ARMC8: variants seen among roughly 807,000 people sequenced by gnomAD.
ARMC8 encodes armadillo repeat-containing protein 8.
Under a neutral mutation model 99.3 loss-of-function variants are expected in ARMC8, and 20 were observed. That is an observed-to-expected ratio of 0.20 (90% confidence interval 0.14 to 0.29). The LOEUF (loss-of-function observed/expected upper bound fraction) is 0.29, where lower values mean the gene tolerates loss of function less well. ARMC8 is among the 10% of genes least tolerant of loss of function. The probability of loss-of-function intolerance (pLI) is 1.00; values close to 1 mark genes in which losing one functional copy is unlikely to be tolerated. For missense variants in ARMC8, 569 were observed against 809.5 expected (o/e 0.70, Z 3.60); for synonymous variants, 263 against 278.3 (o/e 0.95, Z 0.55).
At position 138,245,055 on chromosome 3, in the gene ARMC8, C is replaced by G. The variant is rs112310143; in HGVS notation, c.1039-33C>G. 1.9e-6 allele frequency: 3 copies of G among 1,583,870 alleles called. No homozygotes were observed. The South Asian group carries it at 3.4e-5, about 18-fold the overall frequency. On this transcript the variant is annotated intron_variant, in intron 11 of 21. Transcript: ENST00000469044. ...TGTTATTGAAAGTTGAATTTATGGA[C>G]TGAGTTGGAACATATCCTTTTTTTC...
rs2048025758 is a variant in ARMC8, at chr3:138,264,169, G to A, written c.1256G>A (p.Arg419Gln). 1.9e-6 allele frequency: 3 copies of A among 1,613,866 alleles called. No individual in the cohort carries two copies. Among genetic ancestry groups the A allele is most frequent in the African/African-American group, 1.3e-5 (1 of 75,014 alleles). ...TTATCCAGATCTGTGCAGCAGCTTCGAACCAGTTTCCAGGATCATGCTGTT... is the reference window on the plus strand; with the variant it reads ...TTATCCAGATCTGTGCAGCAGCTTCAAACCAGTTTCCAGGATCATGCTGTT... Reference protein sequence around the residue: ...HSLSRSVQQLRTSFQDHAVWK... With the variant: ...HSLSRSVQQLQTSFQDHAVWK... The change falls in exon 14 of 22, where the codon CGA becomes CAA. Residue 419 changes from arginine (R) to glutamine (Q), a missense_variant. Physicochemically the swap from Arg to Gln is conservative, Grantham distance 43. Around this residue, in one of 2 missense-constraint regions of ARMC8, gnomAD observed 227 missense variants for 417.9 expected, o/e 0.54. Transcript: ENST00000469044.
intron 10 of ARMC8, among the ~76,000 whole-genome samples, chr3:138,240,558 A>G (rs1049921711): frequency 5.3e-5 from 8 of 152,224 alleles, no homozygotes; most frequent in Middle Eastern, 3.2e-3. Flanking sequence ...TATGGTATCA[A>G]TAAATATTAG....
chr3:138,292,331 C>T (rs1019205217), intron 21 of ARMC8, among the ~76,000 whole-genome samples: 21 of 152,236 alleles, frequency 1.4e-4, no homozygotes, highest in African/African-American at 4.6e-4. Context: ...TGAGCCACCA[C>T]GCCGGGCCCT....
At chr3:138,237,239 G>A (rs2046379221) in intron 7 of ARMC8, 70 bp from the exon 8 acceptor site, 8 of 1,364,802 alleles carry the variant, frequency 5.9e-6, no homozygotes, top group Middle Eastern at 2.0e-4. Flanking sequence ...GAAGAGTTTA[G>A]ATTCTGAGAC....
In ARMC8 at chr3:138,237,328, A is replaced by G; in HGVS notation, c.629A>G (p.Lys210Arg). The G allele has an allele frequency of 6.2e-7, 1 of 1,613,388 alleles. No individual in the cohort carries two copies. Among genetic ancestry groups the G allele is most frequent in the Non-Finnish European group, 8.5e-7 (1 of 1,179,830 alleles). ...LSYKVRMQALKCFSVLAFENP... is the reference protein window; with the variant it reads ...LSYKVRMQALRCFSVLAFENP... ...TTACAGGTTCGAATGCAAGCACTGA[A>G]ATGTTTCTCAGTTTTAGCTTTTGAA... Residue 210 changes from lysine (K) to arginine (R), a missense_variant, in exon 8 of 22, where the codon AAA becomes AGA. By Grantham distance (26) the Lys-to-Arg change is conservative. This residue lies in a region of ARMC8 where 342 missense variants were observed against 391.6 expected (regional missense o/e 0.87). Transcript: ENST00000469044.
chr3:138,211,160 G>A (rs2044674146), intron 2 of ARMC8, among the ~76,000 whole-genome samples: 1 of 152,100 alleles, frequency 6.6e-6, no homozygotes, highest in African/African-American at 2.4e-5. Flanking sequence ...ACACAAGTTC[G>A]TCAAGGGGGC....
At chr3:138,238,309 C>T (rs568297063) in intron 9 of ARMC8, 1 of 152,382 alleles carries the variant, frequency 6.6e-6, no homozygotes, top group East Asian at 1.9e-4. Flanking sequence ...TCGTGATCCA[C>T]CTGCCTCGGC....
intron 12 of ARMC8, chr3:138,246,769 T>A: frequency 1.0e-6 from 1 of 984,966 alleles, no homozygotes; most frequent in Non-Finnish European, 1.2e-6. Context: ...AACATGACAG[T>A]CTAATCAGTA....
chr3:138,246,677 G>T (rs1459254919), intron 12 of ARMC8: 12 of 984,676 alleles, frequency 1.2e-5, no homozygotes, highest in Admixed American at 6.2e-5. Context: ...ATGTCCATTT[G>T]TACTTCTTTG....
intron 12 of ARMC8, chr3:138,246,407 T>A (rs1030679619): frequency 2.5e-5 from 24 of 978,526 alleles, no homozygotes; most frequent in Non-Finnish European, 2.7e-5. Context: ...ACTAGTGATA[T>A]ATATATGATT....
chr3:138,214,118 C>T (rs540876944), intron 2 of ARMC8, among the ~76,000 whole-genome samples: 26 of 151,216 alleles, frequency 1.7e-4, no homozygotes, highest in Non-Finnish European at 3.2e-4. Context: ...TGCCACTGCA[C>T]TCCAGCCTGC....
In ARMC8 at chr3:138,219,274, CA is replaced by C. The variant is rs565656994; in HGVS notation, c.123-2647del. 6.0e-3 allele frequency among the ~76,000 whole-genome samples: 906 copies of C among 152,262 alleles called. 5 individuals carry two copies. The highest frequency in any genetic ancestry group is 0.01 in the Non-Finnish European group (688 of 68,008). On this transcript the variant is annotated intron_variant, in intron 2 of 21. Coordinates refer to ENST00000469044, the MANE Select transcript of ARMC8 (RefSeq NM_001363941.2). ...ATGATAGCTGTGAGTTTGCATTTTA[CA>C]AAAATAATGGATATCTAGAATCACT...
chr3:138,256,206 C>T (rs147701720), intron 12 of ARMC8, among the ~76,000 whole-genome samples: 3,316 of 152,210 alleles, frequency 0.022, 57 homozygotes, highest in Non-Finnish European at 0.029. Context: ...GCTAGATCCT[C>T]ATTCTAAAAT....
intron 1 of ARMC8, among the ~76,000 whole-genome samples, chr3:138,202,965 A>G (rs916192035): frequency 1.3e-5 from 2 of 152,054 alleles, no homozygotes; most frequent in Non-Finnish European, 2.9e-5. Flanking sequence ...ACCTGAATAA[A>G]TTTTTTTCAA....
chr3:138,274,600 T>G (rs2049095725), intron 18 of ARMC8, 56 bp downstream of exon 18: 1 of 1,269,372 alleles, frequency 7.9e-7, no homozygotes. Context: ...CAAAGGAAGT[T>G]CTTAAGAGTC....
intron 17 of ARMC8, among the ~76,000 whole-genome samples, chr3:138,273,684 TA>T (rs896917344): frequency 1.3e-5 from 2 of 152,174 alleles, no homozygotes; most frequent in African/African-American, 4.8e-5. Flanking sequence ...GATGAGGAAA[TA>T]TGAGTGGTTC....
chr3:138,255,937 G>A (rs1014033647), intron 12 of ARMC8, among the ~76,000 whole-genome samples: 71 of 152,294 alleles, frequency 4.7e-4, no homozygotes, highest in African/African-American at 1.6e-3. Flanking sequence ...CCTAGATTTC[G>A]CCTGGGCGAC....
At chr3:138,268,099 C>T (rs1355879309) in intron 15 of ARMC8, among the ~76,000 whole-genome samples, 2 of 151,806 alleles carry the variant, frequency 1.3e-5, no homozygotes, top group Non-Finnish European at 2.9e-5. Flanking sequence ...AAAAATTAGC[C>T]GGGGGTGGTG....
At chr3:138,250,127 G>A (rs987028413) in intron 12 of ARMC8, among the ~76,000 whole-genome samples, 3 of 152,068 alleles carry the variant, frequency 2.0e-5, no homozygotes, top group African/African-American at 7.2e-5. Context: ...TTTGAGAAGT[G>A]TAGACAGAAG....
Sources: gnomAD v4.1 joint callset for allele counts (sites outside exome capture counted in the v4.1 genomes callset) on GRCh38, gnomAD v4.1.1 for gene constraint, gnomAD v4.1.1 regional missense constraint, MANE v1.5 for transcripts, NCBI Gene and HGNC (gene_info 2026-07-23, HGNC 2026-07-21) for gene names.